ADAM18: variants seen among roughly 807,000 people sequenced by gnomAD.
ADAM18 encodes the protein disintegrin and metalloproteinase domain-containing protein 18.
Under a neutral mutation model 94.4 loss-of-function variants are expected in ADAM18, and 117 were observed. The observed-to-expected ratio is 1.24, with a 90% CI of 1.07 to 1.45. The LOEUF (loss-of-function observed/expected upper bound fraction) is 1.45, where lower values mean the gene tolerates loss of function less well. Ranked by LOEUF, ADAM18 falls within the 40% of genes most tolerant of loss-of-function variation. The pLI is 0.00. For missense variants in ADAM18, 936 were observed against 880.0 expected (o/e 1.06, Z -0.81); for synonymous variants, 327 against 291.6 (o/e 1.12, Z -1.24).
intron 6 of ADAM18, among the ~76,000 whole-genome samples, chr8:39,627,408 C>T (rs1437723247): frequency 2.6e-5 from 4 of 152,108 alleles, no homozygotes; most frequent in Non-Finnish European, 4.4e-5. Flanking sequence ...CTCCACCTGA[C>T]CCCACCTTTG....
intron 16 of ADAM18, among the ~76,000 whole-genome samples, chr8:39,690,595 A>G (rs1375993485): frequency 6.6e-6 from 1 of 152,140 alleles, no homozygotes; most frequent in African/African-American, 2.4e-5. Flanking sequence ...CATTAATTAC[A>G]TTTGTATTGT....
intron 2 of ADAM18, among the ~76,000 whole-genome samples, chr8:39,588,619 A>G (rs1818478383): frequency 6.9e-6 from 1 of 145,092 alleles, no homozygotes; most frequent in South Asian, 2.2e-4. Context: ...CCATAGTGCC[A>G]TTGTTGGTTC....
At chr8:39,676,039 G>A (rs750569076) in intron 14 of ADAM18, among the ~76,000 whole-genome samples, 7 of 152,120 alleles carry the variant, frequency 4.6e-5, no homozygotes, top group African/African-American at 4.8e-5. Flanking sequence ...AGGGGCAGCC[G>A]CCTATATGAA....
At chr8:39,725,998 G>A (rs748411526) in intron 19 of ADAM18, among the ~76,000 whole-genome samples, 110 of 151,878 alleles carry the variant, frequency 7.2e-4, no homozygotes, top group Non-Finnish European at 8.8e-4. Context: ...TTTTCTTCAT[G>A]TCTTTACCAA....
chr8:39,661,319 A>ATTTTTTTTTTTTT (rs71518171), intron 12 of ADAM18, among the ~76,000 whole-genome samples: 5 of 112,852 alleles, frequency 4.4e-5, no homozygotes, highest in African/African-American at 2.1e-4. Context: ...CACCCGGCAA[A>ATTTTTTTTTTTTT]TTTTTTTTTT....
At chr8:39,607,330 A>G (rs1819116233) in intron 3 of ADAM18, among the ~76,000 whole-genome samples, 2 of 152,174 alleles carry the variant, frequency 1.3e-5, no homozygotes, top group Non-Finnish European at 2.9e-5. Context: ...TCAACATTTT[A>G]TAAAAATAAA....
At chr8:39,610,416 A>C in intron 5 of ADAM18, 113 bp from the exon 6 acceptor site, 1 of 1,261,178 alleles carries the variant, frequency 7.9e-7, no homozygotes, top group Non-Finnish European at 1.0e-6. Flanking sequence ...ATGGGCTTAA[A>C]ATGTGTTCTT....
At chr8:39,721,094 A>G (rs944325046) in intron 18 of ADAM18, among the ~76,000 whole-genome samples, 2 of 151,536 alleles carry the variant, frequency 1.3e-5, no homozygotes, top group Non-Finnish European at 3.0e-5. Flanking sequence ...AAAGTCAGTA[A>G]TAATGAACAA....
chr8:39,610,940 A>G, intron 6 of ADAM18: 1 of 1,225,100 alleles, frequency 8.2e-7, no homozygotes, highest in Non-Finnish European at 1.0e-6. Flanking sequence ...TTTTTCAAAC[A>G]AAATGATACT....
At position 39,614,146 on chromosome 8, in the gene ADAM18, C is replaced by T. The variant is rs182023842; in HGVS notation, c.522+3440C>T. ...CAGAGAACCCCAGGAAAATGCTATACGAGACAACCATCCCAAGACACATAG... is the reference window on the plus strand; with the variant it reads ...CAGAGAACCCCAGGAAAATGCTATATGAGACAACCATCCCAAGACACATAG... On this transcript the variant is annotated intron_variant, in intron 6 of 19. Coordinates refer to ENST00000265707, the MANE Select transcript of ADAM18 (RefSeq NM_014237.3). Among the ~76,000 whole-genome samples, 433 of 152,186 alleles carry T rather than the reference C, an allele frequency of 2.8e-3. 2 individuals are homozygous for T. The highest frequency in any genetic ancestry group is 6.8e-3 in the Middle Eastern group (2 of 294).
chr8:39,617,021 C>T (rs1819462768), intron 6 of ADAM18, among the ~76,000 whole-genome samples: 1 of 151,976 alleles, frequency 6.6e-6, no homozygotes, highest in Admixed American at 6.6e-5. Context: ...ACAATTGGGA[C>T]CTAATTAAAC....
Position 39,590,328 on chromosome 8 carries a change from C to T in ADAM18, c.132+4976C>T, listed in dbSNP as rs1325573027. Among the ~76,000 whole-genome samples the T allele has an allele frequency of 4.6e-5, 7 of 151,960 alleles. No homozygotes were observed. The South Asian group carries it at 1.0e-3, about 23-fold the overall frequency. On this transcript the variant is annotated intron_variant, in intron 2 of 19. Coordinates refer to ENST00000265707, the MANE Select transcript of ADAM18 (RefSeq NM_014237.3). The stretch of plus-strand genomic sequence containing the variant: ...GAAATCATCATTCTCAGTAAACTAT[C>T]GCAAGAACAAAAAACCAAACACCGC...
intron 7 of ADAM18, among the ~76,000 whole-genome samples, chr8:39,633,434 A>G (rs59232245): frequency 0.13 from 19,353 of 152,240 alleles, 1,337 homozygotes; most frequent in South Asian, 0.25. Flanking sequence ...TTTAGAGATT[A>G]GTGGTTATGA....
chr8:39,633,502 A>G (rs182902137), intron 7 of ADAM18, among the ~76,000 whole-genome samples: 40 of 152,292 alleles, frequency 2.6e-4, no homozygotes, highest in African/African-American at 7.0e-4. Flanking sequence ...AAATATGGAC[A>G]GTAAAGGCTG....
chr8:39,712,937 T>C (rs922483360), intron 18 of ADAM18, among the ~76,000 whole-genome samples: 8 of 152,136 alleles, frequency 5.3e-5, no homozygotes, highest in African/African-American at 1.7e-4. Flanking sequence ...TGGAAAAAAC[T>C]ACTTTAAATT....
intron 2 of ADAM18, among the ~76,000 whole-genome samples, chr8:39,591,265 G>T (rs552692247): frequency 2.0e-5 from 3 of 152,280 alleles, no homozygotes; most frequent in South Asian, 4.1e-4. Context: ...GAAGTTTGCT[G>T]TGTCGGTTGA....
In ADAM18 at chr8:39,692,600, T is replaced by A. The variant is rs1242340758; in HGVS notation, c.1822T>A (p.Tyr608Asn). ...AAAATTTTTGTTTGTTTTGTTTTAGTACTGTGTAAATAAAACCTGCAGAAA... is the reference window on the plus strand; with the variant it reads ...AAAATTTTTGTTTGTTTTGTTTTAGAACTGTGTAAATAAAACCTGCAGAAA... ...ADGTMCGPEM[Y>N]CVNKTCRKVH... The change falls in exon 17 of 20, where the codon TAC becomes AAC. Residue 608 changes from tyrosine to asparagine, a missense_variant and splice_region_variant. Transcript: ENST00000265707. 2.5e-6 allele frequency: 4 copies of A among 1,596,880 alleles called. No homozygotes were observed. Among genetic ancestry groups the A allele is most frequent in the Non-Finnish European group, 3.4e-6 (4 of 1,170,438 alleles).
At chr8:39,586,755 A>T (rs1818405301) in intron 2 of ADAM18, among the ~76,000 whole-genome samples, 2 of 147,430 alleles carry the variant, frequency 1.4e-5, no homozygotes, top group Non-Finnish European at 3.0e-5. Context: ...CAAACAAAAA[A>T]CTATCTATCT....
chr8:39,684,191 G>A (rs1003993799), intron 16 of ADAM18, among the ~76,000 whole-genome samples: 2 of 151,882 alleles, frequency 1.3e-5, no homozygotes, highest in South Asian at 2.1e-4. Flanking sequence ...AAATTGATGA[G>A]TTTAGAGATA....
Sources: gnomAD v4.1 joint callset for allele counts (sites outside exome capture counted in the v4.1 genomes callset) on GRCh38, gnomAD v4.1.1 for gene constraint, MANE v1.5 for transcripts, NCBI Gene and HGNC (gene_info 2026-07-23, HGNC 2026-07-21) for gene names.